ARHGAP25: variants seen among roughly 807,000 people sequenced by gnomAD.
ARHGAP25 encodes the protein Rho GTPase activating protein 25.
A neutral mutation model predicts 71.0 loss-of-function variants in ARHGAP25; 34 were observed. That is an observed-to-expected ratio of 0.48 (90% CI 0.36 to 0.64). The LOEUF (loss-of-function observed/expected upper bound fraction) is 0.64, where lower values mean the gene tolerates loss of function less well. ARHGAP25 is among the 30% of genes least tolerant of loss of function. ARHGAP25 has a pLI of 0.00. For missense variants in ARHGAP25, 706 were observed against 805.1 expected, an observed-to-expected ratio of 0.88 and a Z score of 1.49; for synonymous variants, 282 against 296.5, an observed-to-expected ratio of 0.95 and a Z score of 0.50.
intron 4 of ARHGAP25, among the ~76,000 whole-genome samples, chr2:68,803,013 A>G (rs1228071477): frequency 6.6e-6 from 1 of 151,914 alleles, no homozygotes; most frequent in East Asian, 1.9e-4. Context: ...ACATATATAT[A>G]TATATAGAGA....
intron 2 of ARHGAP25, among the ~76,000 whole-genome samples, chr2:68,718,043 T>C (rs1674660370): frequency 1.3e-5 from 2 of 151,974 alleles, no homozygotes; most frequent in African/African-American, 2.4e-5. Context: ...TAGAAGTAAA[T>C]GGTGTACTAC....
chr2:68,821,250 A>G (rs1037166325), intron 9 of ARHGAP25, among the ~76,000 whole-genome samples: 2 of 152,130 alleles, frequency 1.3e-5, no homozygotes, highest in Admixed American at 6.5e-5. Context: ...GCATACTACC[A>G]TGCTGGGCTA....
At position 68,787,951 on chromosome 2, in the gene ARHGAP25, G is replaced by C; in HGVS notation, c.461G>C (p.Cys154Ser). 6.2e-7 allele frequency: 1 copy of C among 1,613,964 alleles called. No individual in the cohort carries two copies. The highest frequency in any genetic ancestry group is 8.5e-7 in the Non-Finnish European group (1 of 1,179,844). Residue 154 changes from cysteine to serine, a missense_variant, in exon 4 of 11, where the codon TGT (cysteine) becomes TCT (serine). Physicochemically the swap from Cys to Ser is moderately radical, Grantham distance 112 (BLOSUM62 -1). Coordinates refer to ENST00000409202, the MANE Select transcript of ARHGAP25 (RefSeq NM_001007231.3). ...CTCAGGAGAGTTGCTGGCACACCCT[G>C]TGGAGGTAAGGACCCCTGCAGGCTT... Reference protein sequence around the residue: ...KFLRRVAGTPCGAVFGQRLDE... With the variant: ...KFLRRVAGTPSGAVFGQRLDE...
chr2:68,750,645 T>C (rs1676109840), intron 1 of ARHGAP25, among the ~76,000 whole-genome samples: 1 of 152,074 alleles, frequency 6.6e-6, no homozygotes, highest in African/African-American at 2.4e-5. Context: ...TTTTGGAAAA[T>C]GTGTACCTCC....
intron 2 of ARHGAP25, among the ~76,000 whole-genome samples, chr2:68,711,488 C>T (rs191708377): frequency 1.2e-4 from 19 of 152,224 alleles, no homozygotes; most frequent in African/African-American, 4.1e-4. Context: ...CTCTCACCTC[C>T]ATTAAGCTCC....
chr2:68,715,394 A>ACAC (rs1239973717), intron 2 of ARHGAP25, among the ~76,000 whole-genome samples: 3 of 152,126 alleles, frequency 2.0e-5, no homozygotes, highest in Admixed American at 6.5e-5. Flanking sequence ...AAACAACCAA[A>ACAC]CACCACCACC....
chr2:68,824,406 G>A (rs905809860), intron 10 of ARHGAP25, among the ~76,000 whole-genome samples: 1 of 152,208 alleles, frequency 6.6e-6, no homozygotes, highest in Non-Finnish European at 1.5e-5. Flanking sequence ...AACCAGAGGG[G>A]TACAGAGAAC....
intron 2 of ARHGAP25, among the ~76,000 whole-genome samples, chr2:68,776,456 T>G (rs974867690): frequency 6.6e-6 from 1 of 152,170 alleles, no homozygotes. Context: ...TTATGATGTT[T>G]AGGGGCTCAG....
intron 2 of ARHGAP25, among the ~76,000 whole-genome samples, chr2:68,716,250 T>G (rs1674606335): frequency 6.6e-6 from 1 of 152,204 alleles, no homozygotes; most frequent in Non-Finnish European, 1.5e-5. Flanking sequence ...AAGGCCCAGA[T>G]TGTTTCATTG....
chr2:68,819,047 C>A, intron 8 of ARHGAP25, 76 bp from the exon 9 acceptor site: 1 of 1,328,526 alleles, frequency 7.5e-7, no homozygotes, highest in Non-Finnish European at 1.0e-6. Flanking sequence ...TTGGAGACAT[C>A]CACGGGTGGG....
intron 4 of ARHGAP25, among the ~76,000 whole-genome samples, chr2:68,799,924 G>C (rs765854690): frequency 1.3e-5 from 2 of 152,188 alleles, no homozygotes; most frequent in Non-Finnish European, 2.9e-5. Context: ...GTGAGTCTTC[G>C]GCCCTGCCAT....
At chr2:68,715,293 G>T (rs1055680025) in intron 2 of ARHGAP25, among the ~76,000 whole-genome samples, 2 of 152,164 alleles carry the variant, frequency 1.3e-5, no homozygotes, top group African/African-American at 4.8e-5. Context: ...TGGAGGTGGC[G>T]CCCAGCAACC....
At chr2:68,748,973 T>C (rs569437275) in intron 1 of ARHGAP25, among the ~76,000 whole-genome samples, 6 of 152,070 alleles carry the variant, frequency 3.9e-5, no homozygotes, top group African/African-American at 1.4e-4. Context: ...TAAACCTCAG[T>C]TTTGTAGTAT....
intron 5 of ARHGAP25, 120 bp from the exon 6 acceptor site, chr2:68,813,167 C>G (rs985719415): frequency 8.3e-6 from 10 of 1,211,726 alleles, no homozygotes; most frequent in East Asian, 5.2e-5. Flanking sequence ...GACTACTCCT[C>G]TGCAAAATTT....
At chr2:68,741,370 G>T (rs2104291698) in intron 1 of ARHGAP25, among the ~76,000 whole-genome samples, 1 of 152,248 alleles carries the variant, frequency 6.6e-6, no homozygotes, top group Admixed American at 6.5e-5. Context: ...TTCTTTGAGG[G>T]ACTGCAGTGC....
chr2:68,765,143 A>G (rs1677050439), intron 1 of ARHGAP25, among the ~76,000 whole-genome samples: 1 of 152,178 alleles, frequency 6.6e-6, no homozygotes, highest in Non-Finnish European at 1.5e-5. Context: ...AATACTATCC[A>G]TACTGGCAGC....
intron 5 of ARHGAP25, among the ~76,000 whole-genome samples, chr2:68,810,561 A>T (rs183847671): frequency 6.6e-6 from 1 of 152,258 alleles, no homozygotes; most frequent in Non-Finnish European, 1.5e-5. Flanking sequence ...CTCTTTTATT[A>T]TAACTTTGAA....
intron 2 of ARHGAP25, among the ~76,000 whole-genome samples, chr2:68,719,404 G>GT (rs1426057421): frequency 1.4e-5 from 2 of 143,400 alleles, no homozygotes; most frequent in East Asian, 4.2e-4. Flanking sequence ...CACCCAGCTG[G>GT]TATCAGGGAA....
In ARHGAP25 at chr2:68,767,782, CTG is replaced by C. The variant is rs1677217843; in HGVS notation, c.62-7435_62-7434del. 1.3e-5 allele frequency among the ~76,000 whole-genome samples: 2 copies of C among 152,312 alleles called. No individual in the cohort carries two copies. Among genetic ancestry groups the C allele is most frequent in the South Asian group, 4.1e-4 (2 of 4,828 alleles). ...AGGTTTCAGTACCATTTCTCTGTCA[CTG>C]TGTTTTCGAGGCCTGCTGAGCCTTG... On this transcript the variant is annotated intron_variant, in intron 1 of 10. Coordinates refer to ENST00000409202, the MANE Select transcript of ARHGAP25 (RefSeq NM_001007231.3). This position sits in a 1 kb window ranked among gnomAD's most constrained non-coding sequence, Gnocchi z 4.6.
Sources: gnomAD v4.1 joint callset for allele counts (sites outside exome capture counted in the v4.1 genomes callset) on GRCh38, gnomAD v4.1.1 for gene constraint, Gnocchi (gnomAD v3.1) non-coding constraint, MANE v1.5 for transcripts, NCBI Gene and HGNC (gene_info 2026-07-23, HGNC 2026-07-21) for gene names.